Variants in CC2D1A observed in about 807,000 individuals in gnomAD.
The protein encoded by CC2D1A is coiled-coil and C2 domain-containing protein 1A.
A neutral mutation model predicts 123.8 loss-of-function variants in CC2D1A; 68 were observed. That is an observed-to-expected ratio of 0.55 (90% CI 0.45 to 0.67). The LOEUF is 0.67. Among genes scored for constraint, CC2D1A ranks in the 30% least tolerant of loss-of-function variants. The probability of loss-of-function intolerance (pLI) is 0.00; values close to 1 mark genes in which losing one functional copy is unlikely to be tolerated. For missense variants in CC2D1A, 1,185 were observed against 1,290.3 expected (o/e 0.92, Z 1.25); for synonymous variants, 477 against 528.0 (o/e 0.90, Z 1.32).
rs1253868503 is a variant in CC2D1A, at chr19:13,906,716, C to T, written c.60+215C>T. Among the ~76,000 whole-genome samples the T allele has an allele frequency of 2.0e-5, 3 of 152,252 alleles. No individual in the cohort carries two copies. The highest frequency in any genetic ancestry group is 4.4e-5 in the Non-Finnish European group (3 of 68,050). Reference sequence around the variant, plus strand: ...GGCCCTGCCCCGGGTTCGGGGCCACCTGTTGCCACAGCTGCTCCAGTCGAG... The same window carrying T: ...GGCCCTGCCCCGGGTTCGGGGCCACTTGTTGCCACAGCTGCTCCAGTCGAG... On this transcript the variant is annotated intron_variant, in intron 1 of 28. Coordinates refer to ENST00000318003, the MANE Select transcript of CC2D1A (RefSeq NM_017721.5). The surrounding 1 kb of genome is among the most constrained non-coding windows in gnomAD (Gnocchi z 4.1).
Position 13,930,496 on chromosome 19 carries a change from C to A in CC2D1A, c.*101C>A. 1 of 1,359,596 alleles carries A rather than the reference C, an allele frequency of 7.4e-7. No homozygotes were observed. The highest frequency in any genetic ancestry group is 9.9e-7 in the Non-Finnish European group (1 of 1,013,576). 84.2% of individuals were successfully genotyped at this position (1,359,596 alleles called of 1,614,324 possible). On this transcript the variant is annotated 3_prime_UTR_variant, in exon 29 of 29. Coordinates refer to ENST00000318003, the MANE Select transcript of CC2D1A (RefSeq NM_017721.5). The surrounding 1 kb of genome is among the most constrained non-coding windows in gnomAD (Gnocchi z 6.8). ...ACCAGACAAGCAGACAATCAGCGGA[C>A]AATCGGTTCTGGACTCACCCCTCAT... is the stretch of plus-strand genomic sequence containing the variant.
intron 1 of CC2D1A, among the ~76,000 whole-genome samples, chr19:13,909,527 C>G (rs1393840120): frequency 1.3e-5 from 2 of 152,172 alleles, no homozygotes; most frequent in Admixed American, 1.3e-4. Context: ...GCCACTGCGC[C>G]CAGCCAGGGG....
At chr19:13,926,640 C>T (rs769825908) in intron 18 of CC2D1A, 27 bp from the exon 19 acceptor site, 2 of 1,614,162 alleles carry the variant, frequency 1.2e-6, no homozygotes, top group Admixed American at 3.3e-5. Context: ...CCCTCTCTGC[C>T]CAGCTCTGAC....
At chr19:13,909,141 G>A (rs1282448056) in intron 1 of CC2D1A, among the ~76,000 whole-genome samples, 1 of 152,044 alleles carries the variant, frequency 6.6e-6, no homozygotes, top group Non-Finnish European at 1.5e-5. Flanking sequence ...GGGAGGCCGA[G>A]GCGGGCAGAT....
chr19:13,923,523 G>T lies in CC2D1A; in HGVS notation c.1765-25G>T. On this transcript the variant is annotated intron_variant, in intron 15 of 28. Transcript: ENST00000318003. The surrounding 1 kb of genome is among the most constrained non-coding windows in gnomAD (Gnocchi z 5.3). The stretch of plus-strand genomic sequence containing the variant: ...TCCTTCCCCTCTCTTCCCTTCCCTC[G>T]ACTCACTGCCTTCTGTTTCCCCAGA... The T allele has an allele frequency of 6.2e-7, 1 of 1,613,060 alleles. No individual in the cohort carries two copies. Among genetic ancestry groups the T allele is most frequent in the Non-Finnish European group, 8.5e-7 (1 of 1,179,870 alleles).
chr19:13,912,247 C>G, intron 2 of CC2D1A, 76 bp from the exon 3 acceptor site: 2 of 1,455,958 alleles, frequency 1.4e-6, no homozygotes, highest in Non-Finnish European at 1.8e-6. Flanking sequence ...GTGGGATCAC[C>G]TAGCGTGTCC....
intron 22 of CC2D1A, 146 bp from the exon 23 acceptor site, chr19:13,927,747 A>G (rs1599407550): frequency 1.2e-6 from 1 of 826,680 alleles, no homozygotes; most frequent in Admixed American, 2.3e-5. Flanking sequence ...GCACCACTGC[A>G]CTCCAGCCTG....
intron 1 of CC2D1A, among the ~76,000 whole-genome samples, chr19:13,907,063 G>T (rs1970781691): frequency 6.6e-6 from 1 of 152,178 alleles, no homozygotes; most frequent in South Asian, 2.1e-4. Context: ...TGGCTGACCT[G>T]AAGTTCCCTC....
At chr19:13,924,795 C>T (rs1488420403) in intron 17 of CC2D1A, among the ~76,000 whole-genome samples, 1 of 152,132 alleles carries the variant, frequency 6.6e-6, no homozygotes. Flanking sequence ...TAGGTGCAGC[C>T]ACTAGCCCTC....
At chr19:13,919,275 G>T (rs866053307) in intron 11 of CC2D1A, 73 bp downstream of exon 11, 3 of 1,181,030 alleles carry the variant, frequency 2.5e-6, no homozygotes, top group Non-Finnish European at 3.5e-6. Flanking sequence ...AGGCCCCGCC[G>T]CTGGCAGGCT....
At chr19:13,911,223 C>A (rs1367850714) in intron 2 of CC2D1A, among the ~76,000 whole-genome samples, 1 of 151,992 alleles carries the variant, frequency 6.6e-6, no homozygotes, top group Non-Finnish European at 1.5e-5. Context: ...AAGATCCTGT[C>A]TCCAAAAAAG....
At chr19:13,914,449 C>T (rs1207838937) in intron 6 of CC2D1A, among the ~76,000 whole-genome samples, 2 of 151,870 alleles carry the variant, frequency 1.3e-5, no homozygotes, top group Admixed American at 6.6e-5. Flanking sequence ...ATTCTCCTGC[C>T]TCAGCCTCCT....
rs952517470 is a variant in CC2D1A at position 13,927,200 on chromosome 19, C to A, written c.2251C>A (p.Leu751Met). ...GGGGCTGTTCAAGACTGACCGGGTG[C>A]TGGGGACAGCCCAGCTGAAGCTGGA... ...KGGLFKTDRV[L>M]GTAQLKLDAL... Residue 751 changes from leucine to methionine, a missense_variant, in exon 22 of 29, where the codon CTG becomes ATG. By Grantham distance (15) the Leu-to-Met change is conservative. Transcript: ENST00000318003. The A allele has an allele frequency of 1.1e-5, 17 of 1,614,006 alleles. No homozygotes were observed. Among genetic ancestry groups the A allele is most frequent in the Admixed American group, 1.7e-5 (1 of 60,006 alleles).
intron 11 of CC2D1A, 30 bp downstream of exon 11, chr19:13,919,232 AGTAGGCCCCGCCCCC>A (rs772670806): frequency 7.1e-5 from 110 of 1,553,886 alleles, no homozygotes; most frequent in Middle Eastern, 5.4e-4. Flanking sequence ...GCCTCGCCCC[AGTAGGCCCCGCCCCC>A]GTAGGCCCCG....
At chr19:13,926,404 C>G in intron 17 of CC2D1A, 113 bp from the exon 18 acceptor site, 1 of 881,326 alleles carries the variant, frequency 1.1e-6, no homozygotes, top group Non-Finnish European at 1.8e-6. Flanking sequence ...CCCCGAAGGC[C>G]AGGGTGGGGT....
At chr19:13,920,956 C>CA in intron 14 of CC2D1A, 34 bp downstream of exon 14, 4 of 1,573,370 alleles carry the variant, frequency 2.5e-6, no homozygotes, top group Non-Finnish European at 3.5e-6. Flanking sequence ...ACTGCCCAGG[C>CA]ACCCACTTGT....
chr19:13,923,878 G>C lies in CC2D1A; in HGVS notation c.1940+67G>C. ...CCCTTTGGTGGCGGTGGGGCGGGTT[G>C]TGCTCCCCAGAAGCTGGCACAAGAT... On this transcript the variant is annotated intron_variant, in intron 17 of 28. Coordinates refer to ENST00000318003, the MANE Select transcript of CC2D1A (RefSeq NM_017721.5). The surrounding 1 kb of genome is among the most constrained non-coding windows in gnomAD (Gnocchi z 5.3). 8.4e-7 allele frequency: 1 copy of C among 1,188,546 alleles called. No homozygotes were observed. The highest frequency in any genetic ancestry group is 1.3e-6 in the Non-Finnish European group (1 of 799,666). 73.6% of individuals were successfully genotyped at this position (1,188,546 alleles called of 1,614,324 possible). A position where few individuals can be genotyped will look rare whatever the true frequency, so the allele number is the denominator to read the frequency against.
At chr19:13,928,291 C>A in intron 24 of CC2D1A, 103 bp downstream of exon 24, 1 of 1,000,870 alleles carries the variant, frequency 1.0e-6, no homozygotes, top group Admixed American at 2.4e-5. Flanking sequence ...CGTCCCTCTC[C>A]TGCTGCAAAA....
intron 1 of CC2D1A, among the ~76,000 whole-genome samples, chr19:13,908,428 G>A (rs1191971183): frequency 6.6e-6 from 1 of 152,094 alleles, no homozygotes; most frequent in South Asian, 2.1e-4. Flanking sequence ...TTACAAGCGT[G>A]AGCCACTGCA....
Sources: allele counts gnomAD v4.1 joint callset (sites outside exome capture counted in the v4.1 genomes callset), GRCh38; gene constraint gnomAD v4.1.1; non-coding constraint Gnocchi (gnomAD v3.1); transcripts MANE v1.5; gene names NCBI Gene and HGNC (gene_info 2026-07-23, HGNC 2026-07-21).